Variants in PRCP observed in about 807,000 individuals in gnomAD.
PRCP encodes the protein prolylcarboxypeptidase, also known as lysosomal Pro-X carboxypeptidase.
Under a neutral mutation model 54.2 loss-of-function variants are expected in PRCP, and 46 were observed. That is an observed-to-expected ratio of 0.85 (90% CI 0.67 to 1.09). The LOEUF is 1.09. PRCP is among the 50% of genes least tolerant of loss of function. The pLI is 0.00. For synonymous variants in PRCP, 240 were observed against 212.2 expected (o/e 1.13, Z -1.14); for missense variants, 613 against 596.8 (o/e 1.03, Z -0.28).
intron 8 of PRCP, chr11:82,835,961 G>T: frequency 3.4e-6 from 1 of 297,096 alleles, no homozygotes; most frequent in Non-Finnish European, 6.7e-6. Flanking sequence ...GGGAGGCCGA[G>T]TCAGGTGGAT....
chr11:82,884,892 G>T, intron 1 of PRCP: 1 of 1,612,712 alleles, frequency 6.2e-7, no homozygotes, highest in South Asian at 1.1e-5. Context: ...GGGCCTGCAG[G>T]AAGTAAAGGC....
intron 1 of PRCP, among the ~76,000 whole-genome samples, chr11:82,881,421 C>T (rs1859744927): frequency 6.6e-6 from 1 of 152,136 alleles, no homozygotes; most frequent in East Asian, 1.9e-4. Flanking sequence ...CATCCAAATG[C>T]TACAGACAGT....
chr11:82,850,727 T>C (rs1858936248), intron 3 of PRCP, among the ~76,000 whole-genome samples: 1 of 152,250 alleles, frequency 6.6e-6, no homozygotes, highest in Non-Finnish European at 1.5e-5. Context: ...TGTATGCAAG[T>C]AGATTGTAGA....
intron 8 of PRCP, chr11:82,825,880 A>T (rs1365094333): frequency 1.3e-5 from 2 of 152,260 alleles, no homozygotes; most frequent in Non-Finnish European, 2.9e-5. Context: ...AGAATCAGTC[A>T]CTGAAACTGA....
intron 1 of PRCP, among the ~76,000 whole-genome samples, chr11:82,871,326 G>A (rs755771155): frequency 6.6e-6 from 1 of 151,848 alleles, no homozygotes; most frequent in Non-Finnish European, 1.5e-5. Context: ...CTATGGGCGT[G>A]CCCCACCATT....
rs1163523136 is a variant in PRCP, at chr11:82,824,151, A to G, written c.*755T>C. The G allele has an allele frequency of 6.6e-6, 1 of 152,224 alleles. No individual in the cohort carries two copies. The highest frequency in any genetic ancestry group is 1.9e-4 in the East Asian group (1 of 5,200). 9.4% of individuals were successfully genotyped at this position (152,224 alleles called of 1,614,324 possible). A position where few individuals can be genotyped will look rare whatever the true frequency, so the allele number is the denominator to read the frequency against. ...ATTTTCCTAAACTGGCAGAATTCAA[A>G]CAAATTAAAACTGACCTTAGAAACA... On this transcript the variant is annotated 3_prime_UTR_variant, in exon 9 of 9. Transcript: ENST00000313010.
intron 1 of PRCP, among the ~76,000 whole-genome samples, chr11:82,871,897 C>T (rs1239262883): frequency 6.6e-6 from 1 of 152,204 alleles, no homozygotes; most frequent in Non-Finnish European, 1.5e-5. Flanking sequence ...AAGTGCCTTG[C>T]TCATCACTGG....
intron 3 of PRCP, among the ~76,000 whole-genome samples, chr11:82,851,831 C>T (rs548827156): frequency 6.6e-6 from 1 of 152,196 alleles, no homozygotes; most frequent in Admixed American, 6.6e-5. Flanking sequence ...TATATGCCAC[C>T]TACTCCTTTA....
chr11:82,896,029 A>G (rs1160222259), intron 1 of PRCP, among the ~76,000 whole-genome samples: 1 of 152,236 alleles, frequency 6.6e-6, no homozygotes, highest in African/African-American at 2.4e-5. Context: ...ATAGCTGGGT[A>G]CTAAGTTTTC....
chr11:82,859,906 C>T (rs1024617792), intron 2 of PRCP, 71 bp downstream of exon 2: 1 of 1,424,962 alleles, frequency 7.0e-7, no homozygotes, highest in Non-Finnish European at 9.4e-7. Context: ...ATACATATTG[C>T]AAAACATTTC....
chr11:82,832,328 A>G (rs1167465671), intron 8 of PRCP, among the ~76,000 whole-genome samples: 1 of 152,192 alleles, frequency 6.6e-6, no homozygotes, highest in South Asian at 2.1e-4. Flanking sequence ...CAACAGTATA[A>G]AAATCTTCCT....
At chr11:82,836,631 C>T in intron 8 of PRCP, 1 of 171,212 alleles carries the variant, frequency 5.8e-6, no homozygotes, top group Non-Finnish European at 1.2e-5. Flanking sequence ...TCACTATAAC[C>T]TCCACCTCCT....
In PRCP at chr11:82,834,116, G is replaced by A. The variant is rs190850873; in HGVS notation, c.1274+4271C>T. Among the ~76,000 whole-genome samples the A allele has an allele frequency of 6.2e-4, 95 of 152,292 alleles. 1 individual carries two copies. Among genetic ancestry groups the A allele is most frequent in the African/African-American group, 2.2e-3 (92 of 41,544 alleles). On this transcript the variant is annotated intron_variant, in intron 8 of 8. Coordinates refer to ENST00000313010, the MANE Select transcript of PRCP (RefSeq NM_005040.4). ...AGCCATGTAAGGGTGCTGCCTTAAG[G>A]TGCCATCTTGAAAGCAGAGACTGGG...
chr11:82,835,622 G>T, intron 8 of PRCP: 1 of 315,166 alleles, frequency 3.2e-6, no homozygotes. Flanking sequence ...AGCCGAAGAA[G>T]TGGAACCAGA....
intron 4 of PRCP, 51 bp from the exon 5 acceptor site, chr11:82,850,122 T>C: frequency 2.4e-6 from 2 of 844,258 alleles, no homozygotes; most frequent in Non-Finnish European, 3.2e-6. Context: ...AAAATATATA[T>C]ATATATTATA....
At chr11:82,843,553 A>G (rs752573776) in intron 6 of PRCP, among the ~76,000 whole-genome samples, 1 of 112,648 alleles carries the variant, frequency 8.9e-6, no homozygotes, top group South Asian at 2.6e-4. Context: ...GATTGTTTAC[A>G]TAGAGGCTGT....
intron 1 of PRCP, among the ~76,000 whole-genome samples, chr11:82,868,729 A>T (rs1306145016): frequency 6.6e-6 from 1 of 152,120 alleles, no homozygotes; most frequent in Admixed American, 6.6e-5. Flanking sequence ...AGGGGAAGAC[A>T]TGGGAGATGA....
rs944039868 is a variant in PRCP at position 82,888,358 on chromosome 11, G to A, written c.168+11877C>T. Among the ~76,000 whole-genome samples, 7 of 152,196 alleles carry A rather than the reference G, an allele frequency of 4.6e-5. 1 individual carries two copies. Among genetic ancestry groups the A allele is most frequent in the Admixed American group, 2.0e-4 (3 of 15,274 alleles). ...GCTTCTCTCCAGCCGCAGCACCACA[G>A]GGCAACCTGAACTAACATGTATGCC... On this transcript the variant is annotated intron_variant, in intron 1 of 8. Coordinates refer to ENST00000313010, the MANE Select transcript of PRCP (RefSeq NM_005040.4).
intron 1 of PRCP, among the ~76,000 whole-genome samples, chr11:82,877,042 A>T (rs1215423510): frequency 6.6e-6 from 1 of 151,986 alleles, no homozygotes; most frequent in African/African-American, 2.4e-5. Context: ...GACGGAGATG[A>T]GGAACTTGTT....
Sources: allele counts gnomAD v4.1 joint callset (sites outside exome capture counted in the v4.1 genomes callset), GRCh38; gene constraint gnomAD v4.1.1; transcripts MANE v1.5; gene names NCBI Gene and HGNC (gene_info 2026-07-23, HGNC 2026-07-21).